Variants in RSPH6A observed in about 807,000 individuals in gnomAD.
RSPH6A encodes the protein radial spoke head protein 6 homolog A.
In RSPH6A, 49 loss-of-function variants were observed where a neutral mutation model predicts 66.1. The observed-to-expected ratio is 0.74, with a 90% CI of 0.59 to 0.94. RSPH6A has a LOEUF of 0.94. RSPH6A is among the 40% of genes least tolerant of loss of function. RSPH6A has a pLI of 0.00. For synonymous variants in RSPH6A, 419 were observed against 402.4 expected, an observed-to-expected ratio of 1.04 and a Z score of -0.49; for missense variants, 977 against 948.3, an observed-to-expected ratio of 1.03 and a Z score of -0.40.
Position 45,801,969 on chromosome 19 carries a change from G to A in RSPH6A, c.1798+151C>T, listed in dbSNP as rs1970479264. Reference sequence around the variant, plus strand: ...CATGTTCCCAGAACCTCCTGATGGGGCCACTGTGATTACACCCATTTTTTA... The same window carrying A: ...CATGTTCCCAGAACCTCCTGATGGGACCACTGTGATTACACCCATTTTTTA... On this transcript the variant is annotated intron_variant, in intron 4 of 5. Coordinates refer to ENST00000221538, the MANE Select transcript of RSPH6A (RefSeq NM_030785.4). The A allele has an allele frequency of 2.1e-5, 14 of 655,608 alleles. No individual in the cohort carries two copies. In the Middle Eastern group the frequency reaches 8.5e-4, roughly 40 times the overall value. The allele number at this position is 655,608 out of a possible 1,614,324, so 40.6% of individuals were successfully genotyped here. A position where few individuals can be genotyped will look rare whatever the true frequency, so the allele number is the denominator to read the frequency against.
chr19:45,810,538 G>A (rs1295974986), intron 2 of RSPH6A, 65 bp downstream of exon 2: 4 of 1,460,104 alleles, frequency 2.7e-6, no homozygotes, highest in East Asian at 2.3e-5. Context: ...GGCACAGGCT[G>A]TGCCCTAAGT....
chr19:45,809,343 C>T (rs1415423872), intron 2 of RSPH6A, among the ~76,000 whole-genome samples: 1 of 132,372 alleles, frequency 7.6e-6, no homozygotes, highest in African/African-American at 2.8e-5. Flanking sequence ...CTCGCTCTGT[C>T]GCCCAGGCTG....
In RSPH6A at chr19:45,815,186, G is replaced by A. The variant is rs1265026795; in HGVS notation, c.-10C>T. ...GCGGCAGGTCTCCCATGGTTCGCCA[G>A]GAGGCACAGATCTCTAGGAGAAAGG... On this transcript the variant is annotated 5_prime_UTR_variant, in exon 1 of 6. Transcript: ENST00000221538. 1 of 1,587,140 alleles carries A rather than the reference G, an allele frequency of 6.3e-7. No homozygotes were observed. The highest frequency in any genetic ancestry group is 1.8e-5 in the Admixed American group (1 of 56,480).
At position 45,800,337 on chromosome 19, in the gene RSPH6A, G is replaced by C. The variant is rs897690913; in HGVS notation, c.1916+109C>G. 1.6e-5 allele frequency: 15 copies of C among 930,420 alleles called. No individual in the cohort carries two copies. In the African/African-American group the frequency reaches 2.3e-4, roughly 14 times the overall value. 57.6% of individuals were successfully genotyped at this position (930,420 alleles called of 1,614,324 possible). ...AGGGCATTAGTCCTTGGGGCTTCCT[G>C]AAGGGGGCCCTCCCCATCTCTGCCC... On this transcript the variant is annotated intron_variant, in intron 5 of 5. Transcript: ENST00000221538.
At chr19:45,807,502 A>G (rs541382142) in intron 2 of RSPH6A, among the ~76,000 whole-genome samples, 6 of 147,824 alleles carry the variant, frequency 4.1e-5, no homozygotes, top group East Asian at 2.0e-4. Context: ...AGCGTGAGCC[A>G]CTGCGCCCGG....
chr19:45,804,601 C>T lies in RSPH6A; in HGVS notation c.1304G>A (p.Gly435Asp). Residue 435 changes from glycine to aspartate, a missense_variant, in exon 3 of 6, where the codon GGC becomes GAC. Coordinates refer to ENST00000221538, the MANE Select transcript of RSPH6A (RefSeq NM_030785.4). This position sits in a 1 kb window ranked among gnomAD's most constrained non-coding sequence, Gnocchi z 5.8. Reference protein sequence around the residue: ...KYLYFVCNEPGLPWTRLPHVT... With the variant: ...KYLYFVCNEPDLPWTRLPHVT... ...GTGGGGCAGCCGCGTCCATGGCAGGCCCGGCTCGTTGCACACAAAGTACAG... is the reference window on the plus strand; with the variant it reads ...GTGGGGCAGCCGCGTCCATGGCAGGTCCGGCTCGTTGCACACAAAGTACAG... 5.0e-6 allele frequency: 8 copies of T among 1,614,166 alleles called. No individual in the cohort carries two copies. The South Asian group carries it at 8.8e-5, about 18-fold the overall frequency.
In RSPH6A at chr19:45,814,614, T is replaced by TG. The variant is rs1970677284; in HGVS notation, c.562dup (p.Gln188ProfsTer4). 1 of 1,588,228 alleles carries TG rather than the reference T, an allele frequency of 6.3e-7. No individual in the cohort carries two copies. The highest frequency in any genetic ancestry group is 1.8e-5 in the Admixed American group (1 of 56,048). ...CTCCAGAGGCTCGGGCTCAGGCACC[T>TG]GGGCACTGTAGTGTGGGAAGCCCAG... On this transcript the variant is annotated frameshift_variant, in exon 1 of 6. Transcript: ENST00000221538. LOFTEE classifies it high-confidence loss of function.
At chr19:45,811,778 A>ATT (rs1342887018) in intron 1 of RSPH6A, among the ~76,000 whole-genome samples, 3 of 133,062 alleles carry the variant, frequency 2.3e-5, no homozygotes, top group Non-Finnish European at 4.8e-5. Flanking sequence ...TATTATTATT[A>ATT]TTATTATTAT....
rs534380433 is a variant in RSPH6A at position 45,804,360 on chromosome 19, A to T, written c.1545T>A (p.Ala515=). The T allele has an allele frequency of 6.2e-7, 1 of 1,614,196 alleles. No individual in the cohort carries two copies. The highest frequency in any genetic ancestry group is 1.3e-5 in the African/African-American group (1 of 75,054). The change falls in exon 3 of 6, where the codon GCT becomes GCA. Residue 515 remains alanine (A), a synonymous_variant. Coordinates refer to ENST00000221538, the MANE Select transcript of RSPH6A (RefSeq NM_030785.4). The surrounding 1 kb of genome is among the most constrained non-coding windows in gnomAD (Gnocchi z 5.8). ...GGTTCTCCTCGTAGGAGTCGCGCCC[A>T]GCACCACCTTCCTCCTCCTCGTCGC... ...EEGDEEEEGG[A]GRDSYEENPD...
At position 45,814,768 on chromosome 19, in the gene RSPH6A, T is replaced by C. The variant is rs757929235; in HGVS notation, c.409A>G (p.Thr137Ala). Residue 137 changes from threonine to alanine, a missense_variant, in exon 1 of 6, where the codon ACC (threonine) becomes GCC (alanine). Thr to Ala is a moderately conservative substitution (Grantham distance 58). Transcript: ENST00000221538. ...GGGTTGACTGGGGGCTCCTGGAAGG[T>C]GGGGTCCAGTTGCTGGAACAGGCTG... ...QSSLFQQLDPTFQEPPVNPLG... is the reference protein window; with the variant it reads ...QSSLFQQLDPAFQEPPVNPLG... 3.1e-6 allele frequency: 5 copies of C among 1,613,502 alleles called. No homozygotes were observed. The highest frequency in any genetic ancestry group is 1.7e-6 in the Non-Finnish European group (2 of 1,179,764).
Position 45,812,961 on chromosome 19 carries a change from G to A in RSPH6A, c.650+1566C>T, listed in dbSNP as rs184013478. ...TCTGTCTGCCTCAGCCTCCCAAAGTGCTGGGATCACAGGCATGAGCAAGGC... is the reference window on the plus strand; with the variant it reads ...TCTGTCTGCCTCAGCCTCCCAAAGTACTGGGATCACAGGCATGAGCAAGGC... On this transcript the variant is annotated intron_variant, in intron 1 of 5. Coordinates refer to ENST00000221538, the MANE Select transcript of RSPH6A (RefSeq NM_030785.4). Among the ~76,000 whole-genome samples the A allele has an allele frequency of 2.4e-4, 36 of 152,160 alleles. 1 individual carries two copies. The highest frequency in any genetic ancestry group is 7.7e-4 in the East Asian group (4 of 5,168).
At chr19:45,797,448 TTTTA>T (rs1276485965) in intron 5 of RSPH6A, among the ~76,000 whole-genome samples, 1 of 152,086 alleles carries the variant, frequency 6.6e-6, no homozygotes, top group African/African-American at 2.4e-5. Context: ...GTGGCTCATA[TTTTA>T]TTTATGTGAG....
At position 45,814,976 on chromosome 19, in the gene RSPH6A, C is replaced by G; in HGVS notation, c.201G>C (p.Glu67Asp). The change falls in exon 1 of 6, where the codon GAG (glutamate) becomes GAC (aspartate). Residue 67 changes from glutamate to aspartate, a missense_variant. By Grantham distance (45) the Glu-to-Asp change is conservative. Transcript: ENST00000221538. ...GGAAGACCTGGGGCATCAGCAAGTTCTCCTGTTGGGACAGGCTGCCCCTCT... is the reference window on the plus strand; with the variant it reads ...GGAAGACCTGGGGCATCAGCAAGTTGTCCTGTTGGGACAGGCTGCCCCTCT... ...WSQRGSLSQQ[E>D]NLLMPQVFQA... is the part of the protein sequence containing the mutation. The G allele has an allele frequency of 6.2e-7, 1 of 1,613,936 alleles. No homozygotes were observed. The highest frequency in any genetic ancestry group is 8.5e-7 in the Non-Finnish European group (1 of 1,180,042).
At chr19:45,807,451 G>A (rs1970561169) in intron 2 of RSPH6A, among the ~76,000 whole-genome samples, 1 of 151,726 alleles carries the variant, frequency 6.6e-6, no homozygotes, top group Non-Finnish European at 1.5e-5. Context: ...TCCTGATCTT[G>A]TGATCCACCC....
At chr19:45,803,065 C>T (rs1045669324) in intron 3 of RSPH6A, among the ~76,000 whole-genome samples, 3 of 150,804 alleles carry the variant, frequency 2.0e-5, no homozygotes, top group African/African-American at 4.9e-5. Context: ...AAAAAATAGC[C>T]GGGCATGGTG....
chr19:45,810,730 G>A lies in RSPH6A; in HGVS notation c.761C>T (p.Pro254Leu), dbSNP rs748244458. The A allele has an allele frequency of 6.2e-7, 1 of 1,614,126 alleles. No homozygotes were observed. The highest frequency in any genetic ancestry group is 8.5e-7 in the Non-Finnish European group (1 of 1,180,022). Reference sequence around the variant, plus strand: ...GTCGTCCCGCAGCGTGTCCAGCTTGGGGTGGAACCACTCCCACTGCGTGGT... The same window carrying A: ...GTCGTCCCGCAGCGTGTCCAGCTTGAGGTGGAACCACTCCCACTGCGTGGT... ...NRTTQWEWFH[P>L]KLDTLRDDPE... Residue 254 changes from proline (P) to leucine (L), a missense_variant, in exon 2 of 6, where the codon CCC (proline) becomes CTC (leucine). Pro to Leu is a moderately conservative substitution (Grantham distance 98). Coordinates refer to ENST00000221538, the MANE Select transcript of RSPH6A (RefSeq NM_030785.4).
intron 5 of RSPH6A, among the ~76,000 whole-genome samples, chr19:45,798,521 C>CAG (rs1487418100): frequency 7.9e-6 from 1 of 127,298 alleles, no homozygotes; most frequent in African/African-American, 3.0e-5. Context: ...GCCTGGGTGA[C>CAG]AGAGAGAGAC....
chr19:45,798,567 G>A (rs1323764345), intron 5 of RSPH6A, among the ~76,000 whole-genome samples: 13 of 144,094 alleles, frequency 9.0e-5, no homozygotes, highest in Non-Finnish European at 1.2e-4. Context: ...GGCCAGGCGC[G>A]GTGGCTCACG....
chr19:45,813,415 C>G (rs909990223), intron 1 of RSPH6A, among the ~76,000 whole-genome samples: 4 of 152,130 alleles, frequency 2.6e-5, no homozygotes, highest in African/African-American at 9.6e-5. Flanking sequence ...ACGATCTCGG[C>G]TCACTGCAAC....
Sources: allele counts gnomAD v4.1 joint callset (sites outside exome capture counted in the v4.1 genomes callset), GRCh38; gene constraint gnomAD v4.1.1; non-coding constraint Gnocchi (gnomAD v3.1); transcripts MANE v1.5; gene names NCBI Gene and HGNC (gene_info 2026-07-23, HGNC 2026-07-21).